Variants in FIGN observed in about 807,000 individuals in gnomAD.
FIGN encodes fidgetin.
Under a neutral mutation model 51.3 loss-of-function variants are expected in FIGN, and 11 were observed. That is an observed-to-expected ratio of 0.21 (90% CI 0.13 to 0.35). FIGN has a LOEUF of 0.35. Among genes scored for constraint, FIGN ranks in the 10% least tolerant of loss-of-function variants. The probability of loss-of-function intolerance (pLI) is 1.00; values close to 1 mark genes in which losing one functional copy is unlikely to be tolerated. For missense variants in FIGN, 857 were observed against 943.6 expected (o/e 0.91, Z 1.20); for synonymous variants, 407 against 363.2 (o/e 1.12, Z -1.37).
intron 2 of FIGN, among the ~76,000 whole-genome samples, chr2:163,668,219 G>T (rs1450639462): frequency 6.6e-6 from 1 of 152,062 alleles, no homozygotes; most frequent in Non-Finnish European, 1.5e-5. Flanking sequence ...AGTATTTAAA[G>T]ACACCATGGG....
intron 2 of FIGN, among the ~76,000 whole-genome samples, chr2:163,640,002 C>T (rs569878451): frequency 2.6e-5 from 4 of 152,242 alleles, no homozygotes; most frequent in South Asian, 4.1e-4. Context: ...CTTAGTGCTA[C>T]AGTTATTACC....
intron 2 of FIGN, among the ~76,000 whole-genome samples, chr2:163,630,363 T>A (rs1181138105): frequency 1.3e-5 from 2 of 152,072 alleles, no homozygotes; most frequent in African/African-American, 4.8e-5. Context: ...TCTGAAGACA[T>A]GTTTAGGAGT....
At chr2:163,728,397 AACACACACACACACACAC>A (rs60526284) in intron 2 of FIGN, among the ~76,000 whole-genome samples, 8 of 141,840 alleles carry the variant, frequency 5.6e-5, no homozygotes, top group Non-Finnish European at 1.1e-4. Context: ...CAAACCATTA[AACACACACACACACACAC>A]ACACACACAC....
At chr2:163,730,866 A>C (rs1351159350) in intron 2 of FIGN, among the ~76,000 whole-genome samples, 2 of 152,170 alleles carry the variant, frequency 1.3e-5, no homozygotes, top group African/African-American at 4.8e-5. Context: ...CTGGTAATTA[A>C]ATTTATTTGC....
At chr2:163,685,104 G>T (rs748575563) in intron 2 of FIGN, among the ~76,000 whole-genome samples, 1 of 151,974 alleles carries the variant, frequency 6.6e-6, no homozygotes, top group Non-Finnish European at 1.5e-5. Flanking sequence ...TTTCTTTAAG[G>T]TTGGGTCCAT....
In FIGN at chr2:163,625,568, C is replaced by T. The variant is rs1683042600; in HGVS notation, c.26-13762G>A. Among the ~76,000 whole-genome samples, 2 of 151,724 alleles carry T rather than the reference C, an allele frequency of 1.3e-5. 1 individual carries two copies. The highest frequency in any genetic ancestry group is 3.9e-4 in the East Asian group (2 of 5,184). On this transcript the variant is annotated intron_variant, in intron 2 of 2. Transcript: ENST00000333129. ...TCTTATTGATAAGGGAGAAAAAAAC[C>T]CACTGTTATATACCTCTGAGGACAA... is the stretch of plus-strand genomic sequence containing the variant.
At position 163,607,824 on chromosome 2, in the gene FIGN, C is replaced by T. The variant is rs769091515; in HGVS notation, c.*1728G>A. 6.6e-6 allele frequency: 1 copy of T among 152,654 alleles called. No individual in the cohort carries two copies. The highest frequency in any genetic ancestry group is 1.5e-5 in the Non-Finnish European group (1 of 68,064). 9.5% of individuals were successfully genotyped at this position (152,654 alleles called of 1,614,324 possible). A position where few individuals can be genotyped will look rare whatever the true frequency, so the allele number is the denominator to read the frequency against. Reference sequence around the variant, plus strand: ...TGGCTGTGGAAAGCTACAGCCTGCTCTGTGACAGTTCAGAAGCATTGCCAA... The same window carrying T: ...TGGCTGTGGAAAGCTACAGCCTGCTTTGTGACAGTTCAGAAGCATTGCCAA... On this transcript the variant is annotated 3_prime_UTR_variant, in exon 3 of 3. Transcript: ENST00000333129.
At chr2:163,720,806 G>T (rs1037538684) in intron 2 of FIGN, among the ~76,000 whole-genome samples, 1 of 152,044 alleles carries the variant, frequency 6.6e-6, no homozygotes, top group Admixed American at 6.6e-5. Flanking sequence ...ACGTGTGCAC[G>T]CATGCATGTA....
intron 2 of FIGN, among the ~76,000 whole-genome samples, chr2:163,717,750 C>T (rs552494939): frequency 2.0e-5 from 3 of 152,252 alleles, no homozygotes; most frequent in Non-Finnish European, 2.9e-5. Context: ...TCCTCTCAGG[C>T]TTTCAAGGCC....
At position 163,609,541 on chromosome 2, in the gene FIGN, TAAAG is replaced by T; in HGVS notation, c.*7_*10del. The T allele has an allele frequency of 1.3e-6, 2 of 1,590,610 alleles. No homozygotes were observed. Among genetic ancestry groups the T allele is most frequent in the Admixed American group, 3.5e-5 (2 of 57,908 alleles). On this transcript the variant is annotated 3_prime_UTR_variant, in exon 3 of 3. Transcript: ENST00000333129. ...CAACATTCATTACATTTTTTTTTTC[TAAAG>T]AAGTTATCACTGACTGCAACCAAAC...
chr2:163,612,575 T>A, intron 2 of FIGN: 1 of 982,810 alleles, frequency 1.0e-6, no homozygotes, highest in Non-Finnish European at 1.2e-6. Flanking sequence ...TCAGTTCTGT[T>A]GTTGAGTCTC....
At chr2:163,711,815 A>T (rs1381665186) in intron 2 of FIGN, among the ~76,000 whole-genome samples, 1 of 152,200 alleles carries the variant, frequency 6.6e-6, no homozygotes, top group Non-Finnish European at 1.5e-5. Flanking sequence ...TTAGATTAAG[A>T]ATGAGGTTAG....
rs866749768 is a variant in FIGN at position 163,691,471 on chromosome 2, G to T, written c.25+43432C>A. 5.3e-5 allele frequency among the ~76,000 whole-genome samples: 8 copies of T among 152,208 alleles called. 1 individual carries two copies. In the South Asian group the frequency reaches 1.5e-3, roughly 28 times the overall value. The stretch of plus-strand genomic sequence containing the variant: ...CAATCTAGTTCCAGGAGGCACCTGA[G>T]TTTGCCATCCCTGGTTTATAAGGAT... On this transcript the variant is annotated intron_variant, in intron 2 of 2. Transcript: ENST00000333129.
intron 2 of FIGN, among the ~76,000 whole-genome samples, chr2:163,663,611 G>A (rs557990630): frequency 5.9e-5 from 9 of 151,664 alleles, no homozygotes; most frequent in Admixed American, 2.6e-4. Flanking sequence ...TGCCGGGCAC[G>A]GTGGCTCACA....
At chr2:163,724,575 TA>T (rs1189334930) in intron 2 of FIGN, among the ~76,000 whole-genome samples, 1 of 152,138 alleles carries the variant, frequency 6.6e-6, no homozygotes, top group East Asian at 1.9e-4. Flanking sequence ...AGCAAGCATT[TA>T]CTGAGTTGAT....
rs140227104 is a variant in FIGN, at chr2:163,726,382, G to A, written c.25+8521C>T. Among the ~76,000 whole-genome samples, 490 of 152,196 alleles carry A rather than the reference G, an allele frequency of 3.2e-3. 3 individuals carry two copies. Among genetic ancestry groups the A allele is most frequent in the Non-Finnish European group, 5.0e-3 (337 of 67,968 alleles). On this transcript the variant is annotated intron_variant, in intron 2 of 2. Transcript: ENST00000333129. ...TCTTTTGTAAGTTGGGCCTAAAATT[G>A]ACTCCAGATTTGCGAGTCATGAACA...
intron 2 of FIGN, among the ~76,000 whole-genome samples, chr2:163,705,112 C>T (rs1207326630): frequency 6.6e-6 from 1 of 152,130 alleles, no homozygotes; most frequent in African/African-American, 2.4e-5. Context: ...AGAGACACCA[C>T]ATACATCAAA....
chr2:163,615,962 G>A (rs550328855), intron 2 of FIGN, among the ~76,000 whole-genome samples: 1 of 152,156 alleles, frequency 6.6e-6, no homozygotes, highest in African/African-American at 2.4e-5. Context: ...ATAGAAAATT[G>A]CTTTTAAGAT....
chr2:163,730,381 A>G (rs911771759), intron 2 of FIGN, among the ~76,000 whole-genome samples: 3 of 152,194 alleles, frequency 2.0e-5, no homozygotes, highest in African/African-American at 7.2e-5. Context: ...AAAGAAGAAA[A>G]TGACAAAATC....
Sources: gnomAD v4.1 joint callset for allele counts (sites outside exome capture counted in the v4.1 genomes callset) on GRCh38, gnomAD v4.1.1 for gene constraint, MANE v1.5 for transcripts, NCBI Gene and HGNC (gene_info 2026-07-23, HGNC 2026-07-21) for gene names.